ELF2: variants seen among roughly 807,000 people sequenced by gnomAD.
ELF2 encodes E74 like ETS transcription factor 2, also known as ETS-related transcription factor Elf-2.
A neutral mutation model predicts 54.8 loss-of-function variants in ELF2; 11 were observed. That is an observed-to-expected ratio of 0.20 (90% CI 0.13 to 0.33). The LOEUF (loss-of-function observed/expected upper bound fraction) is 0.33, where lower values mean the gene tolerates loss of function less well. ELF2 is among the 10% of genes least tolerant of loss of function. The pLI is 1.00. For missense variants in ELF2, 513 were observed against 703.0 expected (o/e 0.73, Z 3.06); for synonymous variants, 203 against 245.1 (o/e 0.83, Z 1.61).
chr4:139,151,052 G>A (rs199690913), intron 1 of ELF2, among the ~76,000 whole-genome samples: 3 of 79,330 alleles, frequency 3.8e-5, no homozygotes, highest in South Asian at 4.2e-4. Context: ...AAGAAAGAAA[G>A]AAAGAAAGAA....
intron 4 of ELF2, among the ~76,000 whole-genome samples, chr4:139,103,130 T>C (rs1734081556): frequency 6.6e-6 from 1 of 152,198 alleles, no homozygotes. Context: ...TCATGATCTT[T>C]TGCAAGTTCA....
rs1560850907 is a variant in ELF2, at chr4:139,134,554, T to TTGTA, written c.72+3075_72+3076insTACA. On this transcript the variant is annotated intron_variant, in intron 3 of 9. Transcript: ENST00000686138. The stretch of plus-strand genomic sequence containing the variant: ...ATTGTATTGTATTGTATTGTATTGT[T>TTGTA]TTATTTTATGTTATTTTATTTTATG... 2.5e-3 allele frequency among the ~76,000 whole-genome samples: 365 copies of TTGTA among 146,636 alleles called. 1 individual carries two copies. Among genetic ancestry groups the TTGTA allele is most frequent in the African/African-American group, 9.3e-3 (346 of 37,244 alleles).
chr4:139,079,709 C>A (rs1730827018), intron 4 of ELF2, among the ~76,000 whole-genome samples: 1 of 152,108 alleles, frequency 6.6e-6, no homozygotes, highest in South Asian at 2.1e-4. Flanking sequence ...GTCAGGATTT[C>A]AAGACCAGCC....
rs190084280 is a variant in ELF2, at chr4:139,175,285, T to C, written c.-252+1682A>G. 4.8e-4 allele frequency among the ~76,000 whole-genome samples: 73 copies of C among 152,360 alleles called. 1 individual carries two copies. The highest frequency in any genetic ancestry group is 9.1e-4 in the Admixed American group (14 of 15,306). On this transcript the variant is annotated intron_variant, in intron 1 of 9. Transcript: ENST00000686138. ...TTTCCAACCATACTCAAGCTGACTA[T>C]TTTGTAAATGAGTATTTATGTCTGA...
intron 5 of ELF2, among the ~76,000 whole-genome samples, chr4:139,072,585 AT>A (rs1729671387): frequency 6.6e-6 from 1 of 152,328 alleles, no homozygotes; most frequent in Admixed American, 6.5e-5. Flanking sequence ...TTAAAGTTTT[AT>A]TTAATGTAAC....
intron 4 of ELF2, 144 bp downstream of exon 4, chr4:139,125,020 T>TA: frequency 1.0e-6 from 1 of 967,970 alleles, no homozygotes; most frequent in Non-Finnish European, 1.5e-6. Context: ...CAAATTCCCT[T>TA]AAACATAGAT....
chr4:139,089,158 T>A (rs974781340), intron 4 of ELF2, among the ~76,000 whole-genome samples: 1 of 152,244 alleles, frequency 6.6e-6, no homozygotes, highest in South Asian at 2.1e-4. Context: ...AATTGTATAA[T>A]AAACATCTCT....
At chr4:139,168,100 T>C (rs546134003) in intron 1 of ELF2, among the ~76,000 whole-genome samples, 23 of 152,366 alleles carry the variant, frequency 1.5e-4, no homozygotes, top group Non-Finnish European at 3.1e-4. Flanking sequence ...TGCCGAATGA[T>C]AACAATGCTC....
At chr4:139,145,086 T>C (rs1739094206) in intron 1 of ELF2, among the ~76,000 whole-genome samples, 1 of 152,224 alleles carries the variant, frequency 6.6e-6, no homozygotes, top group Non-Finnish European at 1.5e-5. Flanking sequence ...AGACACAGTT[T>C]ACTACAGCAA....
chr4:139,137,936 AT>A, intron 2 of ELF2, 69 bp from the exon 3 acceptor site: 1 of 1,094,588 alleles, frequency 9.1e-7, no homozygotes, highest in Non-Finnish European at 1.2e-6. Flanking sequence ...AGCATAACTT[AT>A]TGTGCAATCT....
In ELF2 at chr4:139,070,046, TG is replaced by T. The variant is rs375150186; in HGVS notation, c.526+1819del. On this transcript the variant is annotated intron_variant, in intron 6 of 9. Transcript: ENST00000686138. Reference sequence around the variant, plus strand: ...TCCTCGAGATGAGGTCTCACTATGTTGGCCCAGGCTGGTCTTGAACTCCTGA... The same window carrying T: ...TCCTCGAGATGAGGTCTCACTATGTTGCCCAGGCTGGTCTTGAACTCCTGA... 6.6e-3 allele frequency among the ~76,000 whole-genome samples: 1,004 copies of T among 151,636 alleles called. 13 individuals carry two copies. The highest frequency in any genetic ancestry group is 0.023 in the African/African-American group (964 of 41,334).
intron 4 of ELF2, 38 bp downstream of exon 4, chr4:139,125,126 G>C (rs759973571): frequency 6.4e-7 from 1 of 1,573,304 alleles, no homozygotes; most frequent in African/African-American, 1.4e-5. Context: ...TACAAAATGA[G>C]AAAGTTATAA....
chr4:139,156,001 A>AACTG (rs144670454), intron 1 of ELF2, among the ~76,000 whole-genome samples: 1 of 151,762 alleles, frequency 6.6e-6, no homozygotes, highest in African/African-American at 2.4e-5. Flanking sequence ...TACAAGAAAA[A>AACTG]ATTGAAGAGG....
intron 3 of ELF2, among the ~76,000 whole-genome samples, chr4:139,134,086 T>C (rs2148853628): frequency 6.6e-6 from 1 of 152,344 alleles, no homozygotes; most frequent in East Asian, 1.9e-4. Context: ...AGTATGATGT[T>C]GGCTGTGGGT....
intron 7 of ELF2, among the ~76,000 whole-genome samples, chr4:139,063,280 A>G (rs1242446881): frequency 6.6e-6 from 1 of 152,108 alleles, no homozygotes; most frequent in Non-Finnish European, 1.5e-5. Context: ...AGAAAAAAGA[A>G]CATTACTGCC....
chr4:139,168,702 A>G (rs939372859), intron 1 of ELF2, among the ~76,000 whole-genome samples: 3 of 152,146 alleles, frequency 2.0e-5, no homozygotes, highest in Admixed American at 6.5e-5. Flanking sequence ...AAGATGATTG[A>G]TCAGTGATGC....
At chr4:139,073,642 C>T (rs895559685) in intron 4 of ELF2, 75 bp from the exon 5 acceptor site, 4 of 717,352 alleles carry the variant, frequency 5.6e-6, no homozygotes, top group Non-Finnish European at 6.4e-6. Flanking sequence ...AAGAAATAAA[C>T]ATATTCACTC....
intron 7 of ELF2, among the ~76,000 whole-genome samples, chr4:139,064,446 C>T (rs927833593): frequency 6.6e-6 from 1 of 152,228 alleles, no homozygotes; most frequent in Non-Finnish European, 1.5e-5. Context: ...CCAAAACAAG[C>T]CAGCACTACC....
intron 4 of ELF2, chr4:139,102,222 C>G (rs1185795496): frequency 6.6e-6 from 1 of 151,766 alleles, no homozygotes; most frequent in Non-Finnish European, 1.5e-5. Flanking sequence ...TGTCAAACAC[C>G]ATATATAAGA....
Sources: gnomAD v4.1 joint callset for allele counts (sites outside exome capture counted in the v4.1 genomes callset) on GRCh38, gnomAD v4.1.1 for gene constraint, MANE v1.5 for transcripts, NCBI Gene and HGNC (gene_info 2026-07-23, HGNC 2026-07-21) for gene names.